Variants in IFT74 observed in about 807,000 individuals in gnomAD.
IFT74 encodes the protein intraflagellar transport protein 74 homolog.
IFT74 carries 92 observed loss-of-function variants against 96.7 expected under a neutral mutation model. That is an observed-to-expected ratio of 0.95 (90% CI 0.80 to 1.13). The LOEUF is 1.13. Among genes scored for constraint, IFT74 ranks in the 50% most tolerant of loss-of-function variants. The pLI is 0.00. For missense variants in IFT74, 811 were observed against 698.2 expected (o/e 1.16, Z -1.82); for synonymous variants, 223 against 213.2 (o/e 1.05, Z -0.40).
upstream of IFT74, chr9:26,955,837 T>TAAAAAAAA (rs11361797): frequency 7.4e-6 from 1 of 134,248 alleles, no homozygotes. Context: ...GTTCTTAAAT[T>TAAAAAAAA]AAAAAAAAAA....
At chr9:26,984,095 C>T (rs551037481) in intron 4 of IFT74, 162 bp from the exon 5 acceptor site, 4 of 537,564 alleles carry the variant, frequency 7.4e-6, no homozygotes, top group Non-Finnish European at 1.2e-5. Context: ...GAATATACCT[C>T]ATTCTTAATG....
chr9:27,056,873 TA>T (rs1820186656), intron 18 of IFT74, among the ~76,000 whole-genome samples: 2 of 149,984 alleles, frequency 1.3e-5, no homozygotes, highest in African/African-American at 2.4e-5. Context: ...GATAGATAGA[TA>T]GATAGATAGA....
At chr9:27,016,847 AT>A (rs1829365496) in intron 10 of IFT74, 59 bp from the exon 11 acceptor site, 2 of 1,373,688 alleles carry the variant, frequency 1.5e-6, no homozygotes, top group Admixed American at 4.6e-5. Context: ...ACTGAAACCT[AT>A]TTTAGAATAA....
chr9:26,984,329 T>G lies in IFT74; in HGVS notation c.378T>G (p.Asn126Lys). The G allele has an allele frequency of 6.3e-7, 1 of 1,584,520 alleles. No homozygotes were observed. Among genetic ancestry groups the G allele is most frequent in the South Asian group, 1.2e-5 (1 of 86,062 alleles). Residue 126 changes from asparagine to lysine, a missense_variant, in exon 5 of 20, where the codon AAT becomes AAG. By Grantham distance (94) the Asn-to-Lys change is moderately conservative. Coordinates refer to ENST00000380062, the MANE Select transcript of IFT74 (RefSeq NM_025103.4). ...QKGIEMYNQE[N>K]SVYLSYEKRA... is the part of the protein sequence containing the mutation. ...GAATAGAAATGTACAATCAAGAGAA[T>G]TCAGTATATTTGTCATATGAAAAGA...
chr9:27,016,571 A>G (rs1424108813), intron 10 of IFT74, among the ~76,000 whole-genome samples: 1 of 152,182 alleles, frequency 6.6e-6, no homozygotes, highest in Non-Finnish European at 1.5e-5. Flanking sequence ...TTTGAATCAG[A>G]CATTGTGTTT....
Position 27,056,416 on chromosome 9 carries a change from A to G in IFT74, c.1580A>G (p.Glu527Gly). Residue 527 changes from glutamate to glycine, a missense_variant, in exon 18 of 20, where the codon GAG (glutamate) becomes GGG (glycine). Glu to Gly is a moderately conservative substitution (Grantham distance 98). Transcript: ENST00000380062. ...KIMEKQNIEY[E>G]ALKTQLQENE... is the part of the protein sequence containing the mutation. ...ATGGAGAAGCAAAACATAGAGTATG[A>G]GGCACTAAAAACACAATTGCAAGAA... 6.2e-7 allele frequency: 1 copy of G among 1,601,418 alleles called. No individual in the cohort carries two copies.
chr9:27,043,291 C>T (rs1486396489), intron 13 of IFT74, among the ~76,000 whole-genome samples: 1 of 152,196 alleles, frequency 6.6e-6, no homozygotes, highest in Non-Finnish European at 1.5e-5. Flanking sequence ...GGGTTGTCGT[C>T]AATGAATTTC....
At chr9:26,984,212 T>C (rs1238351132) in intron 4 of IFT74, 45 bp from the exon 5 acceptor site, 2 of 1,469,696 alleles carry the variant, frequency 1.4e-6, no homozygotes, top group African/African-American at 1.4e-5. Context: ...ACTAGAGTTT[T>C]CTGGATTAAA....
rs199825220 is a variant in IFT74, at chr9:27,047,932, G to GA, written c.1207-208dup. ...TTTTCTGCAGTGAAATAAAGGAAAT[G>GA]AAAAAAAACCCACAATTTTGAATTT... On this transcript the variant is annotated intron_variant, in intron 15 of 19. Transcript: ENST00000380062. Among the ~76,000 whole-genome samples, 887 of 151,286 alleles carry GA rather than the reference G, an allele frequency of 5.9e-3. 3 individuals are homozygous for GA. Among genetic ancestry groups the GA allele is most frequent in the Middle Eastern group, 0.034 (10 of 294 alleles).
intron 16 of IFT74, among the ~76,000 whole-genome samples, chr9:27,055,295 ATG>A (rs1398828415): frequency 6.6e-6 from 1 of 152,146 alleles, no homozygotes; most frequent in Non-Finnish European, 1.5e-5. Flanking sequence ...GTTAAAAATA[ATG>A]TGTCTTTATC....
intron 2 of IFT74, among the ~76,000 whole-genome samples, chr9:26,975,799 C>T (rs923559723): frequency 5.9e-5 from 9 of 152,140 alleles, no homozygotes; most frequent in Non-Finnish European, 8.8e-5. Context: ...CTCAGTCCCT[C>T]GTATTAGAGA....
intron 12 of IFT74, among the ~76,000 whole-genome samples, chr9:27,028,022 C>T (rs924014562): frequency 1.3e-5 from 2 of 152,186 alleles, no homozygotes; most frequent in African/African-American, 4.8e-5. Context: ...TCTGCATATG[C>T]ACTTTTCCCA....
chr9:26,947,391 T>C, intron 1 of IFT74: 2 of 239,332 alleles, frequency 8.4e-6, no homozygotes, highest in Admixed American at 5.7e-5. Context: ...GGCCCGCCCT[T>C]CCACCAGGAC....
chr9:26,982,016 G>T (rs1827398892), intron 4 of IFT74, among the ~76,000 whole-genome samples: 1 of 151,662 alleles, frequency 6.6e-6, no homozygotes, highest in Admixed American at 6.6e-5. Flanking sequence ...TGATGCACCT[G>T]CCTCAGCCTC....
chr9:26,952,627 C>G (rs1825970922), upstream of IFT74, among the ~76,000 whole-genome samples: 1 of 152,158 alleles, frequency 6.6e-6, no homozygotes, highest in Non-Finnish European at 1.5e-5. Flanking sequence ...GTTTAAAATT[C>G]AAAAGACGTA....
chr9:27,040,255 A>G (rs1303385896), intron 13 of IFT74, among the ~76,000 whole-genome samples: 1 of 152,166 alleles, frequency 6.6e-6, no homozygotes, highest in East Asian at 1.9e-4. Flanking sequence ...ACCATGCCAT[A>G]TAGAAGATAT....
chr9:27,015,551 C>T (rs570186165), intron 10 of IFT74, among the ~76,000 whole-genome samples: 6 of 152,112 alleles, frequency 3.9e-5, no homozygotes, highest in Admixed American at 3.3e-4. Flanking sequence ...GCAGGAGAAT[C>T]GCTTGAACCT....
intron 13 of IFT74, among the ~76,000 whole-genome samples, chr9:27,031,249 T>C (rs1042212544): frequency 6.6e-6 from 1 of 152,038 alleles, no homozygotes; most frequent in African/African-American, 2.4e-5. Context: ...GATGCCGAGG[T>C]GGGCGGATCA....
At position 26,986,842 on chromosome 9, in the gene IFT74, T is replaced by C. The variant is rs1827661635; in HGVS notation, c.466-1827T>C. ...CTTGCTGTGTTGCCCACAATGGTCT[T>C]GAACTCCTGGGCTCAAGTGATCCTC... On this transcript the variant is annotated intron_variant, in intron 6 of 19. Transcript: ENST00000380062. 2.6e-5 allele frequency among the ~76,000 whole-genome samples: 4 copies of C among 151,310 alleles called. No individual in the cohort carries two copies. The South Asian group carries it at 8.4e-4, about 32-fold the overall frequency.
Sources: gnomAD v4.1 joint callset for allele counts (sites outside exome capture counted in the v4.1 genomes callset) on GRCh38, gnomAD v4.1.1 for gene constraint, MANE v1.5 for transcripts, NCBI Gene and HGNC (gene_info 2026-07-23, HGNC 2026-07-21) for gene names.